Variants in PCNX1 observed in about 807,000 individuals in gnomAD.
The protein encoded by PCNX1 is pecanex 1.
Under a neutral mutation model 242.2 loss-of-function variants are expected in PCNX1, and 78 were observed. That is an observed-to-expected ratio of 0.32 (90% CI 0.27 to 0.39). The LOEUF (loss-of-function observed/expected upper bound fraction) is 0.39. Among genes scored for constraint, PCNX1 ranks in the 10% least tolerant of loss-of-function variants. The pLI, the probability that PCNX1 is intolerant of heterozygous loss-of-function variation, is 1.00. For missense variants in PCNX1, 2,581 were observed against 2,856.5 expected, an observed-to-expected ratio of 0.90 and a Z score of 2.20; for synonymous variants, 1,024 against 1,032.9, an observed-to-expected ratio of 0.99 and a Z score of 0.17.
chr14:70,980,265 G>T (rs1248543495), intron 6 of PCNX1, among the ~76,000 whole-genome samples: 1 of 151,748 alleles, frequency 6.6e-6, no homozygotes, highest in African/African-American at 2.4e-5. Flanking sequence ...TTTAGGAAAA[G>T]TTACCTGAAA....
chr14:70,949,372 CACAT>C (rs1439239148), intron 2 of PCNX1, among the ~76,000 whole-genome samples: 43 of 134,810 alleles, frequency 3.2e-4, no homozygotes, highest in Admixed American at 1.1e-3. Context: ...CATATATAGA[CACAT>C]ACGTGTATAT....
intron 27 of PCNX1, among the ~76,000 whole-genome samples, chr14:71,074,013 TTAATAA>T (rs973124234): frequency 6.6e-6 from 1 of 152,236 alleles, no homozygotes; most frequent in Non-Finnish European, 1.5e-5. Flanking sequence ...TATTCATTCA[TTAATAA>T]TAATAGCTAG....
At position 71,031,828 on chromosome 14, in the gene PCNX1, G is replaced by A; in HGVS notation, c.3559-1601G>A. Reference sequence around the variant, plus strand: ...TAGCTTGGCAGCGAGGAGAGGGATGGTGGCATCGTCTGGCTTCAGGTAGAC... The same window carrying A: ...TAGCTTGGCAGCGAGGAGAGGGATGATGGCATCGTCTGGCTTCAGGTAGAC... On this transcript the variant is annotated intron_variant, in intron 16 of 35. Coordinates refer to ENST00000304743, the MANE Select transcript of PCNX1 (RefSeq NM_014982.3). 5 of 1,490,120 alleles carry A rather than the reference G, an allele frequency of 3.4e-6. No individual in the cohort carries two copies. In the South Asian group the frequency reaches 4.5e-5, roughly 13 times the overall value. 92.3% of individuals were successfully genotyped at this position (1,490,120 alleles called of 1,614,324 possible).
intron 12 of PCNX1, among the ~76,000 whole-genome samples, chr14:71,020,210 C>T (rs1420541261): frequency 6.6e-6 from 1 of 152,180 alleles, no homozygotes; most frequent in East Asian, 1.9e-4. Flanking sequence ...GGTTCCAAGT[C>T]TTTGCTATTG....
chr14:71,093,061 G>A (rs897235085), intron 30 of PCNX1: 2 of 152,138 alleles, frequency 1.3e-5, no homozygotes, highest in Non-Finnish European at 2.9e-5. Context: ...ATCAGGGTAC[G>A]ATAAAGACCT....
At chr14:71,087,385 C>T (rs2062020668) in intron 28 of PCNX1, among the ~76,000 whole-genome samples, 1 of 152,136 alleles carries the variant, frequency 6.6e-6, no homozygotes, top group Admixed American at 6.6e-5. Flanking sequence ...GATAATTAAC[C>T]TATCAATAGT....
intron 16 of PCNX1, 71 bp from the exon 17 acceptor site, chr14:71,033,358 G>A (rs527706260): frequency 8.8e-5 from 64 of 728,010 alleles, no homozygotes; most frequent in East Asian, 6.8e-4. Context: ...TCCAAAATAC[G>A]TACATAAAAG....
Position 71,047,583 on chromosome 14 carries a change from T to C in PCNX1, c.4161-224T>C, listed in dbSNP as rs1363431294. On this transcript the variant is annotated intron_variant, in intron 21 of 35. Transcript: ENST00000304743. ...TTACAATACTATTATTTTTAAAACA[T>C]AGTCCTTCATATAAAGGATAAGAAT... is the stretch of plus-strand genomic sequence containing the variant. 3.9e-5 allele frequency among the ~76,000 whole-genome samples: 6 copies of C among 152,170 alleles called. No individual in the cohort carries two copies. In the East Asian group the frequency reaches 5.8e-4, roughly 15 times the overall value.
intron 28 of PCNX1, among the ~76,000 whole-genome samples, chr14:71,082,453 G>T (rs2061878633): frequency 6.6e-6 from 1 of 152,092 alleles, no homozygotes; most frequent in Non-Finnish European, 1.5e-5. Context: ...TGACAGTGGG[G>T]TGTTAAAATC....
At chr14:70,990,540 AG>A (rs1271682951) in intron 7 of PCNX1, among the ~76,000 whole-genome samples, 1 of 150,044 alleles carries the variant, frequency 6.7e-6, no homozygotes, top group Non-Finnish European at 1.5e-5. Flanking sequence ...ACTCCAGCCT[AG>A]GTGACAGAGG....
chr14:71,033,711 A>G (rs17108930), intron 17 of PCNX1, among the ~76,000 whole-genome samples, 173 bp downstream of exon 17: 10,650 of 152,250 alleles, frequency 0.07, 490 homozygotes, highest in East Asian at 0.27. Context: ...TTGGCTGAGA[A>G]TATTAGTGTT....
intron 1 of PCNX1, among the ~76,000 whole-genome samples, chr14:70,938,609 G>C (rs1054402100): frequency 6.6e-6 from 1 of 152,188 alleles, no homozygotes; most frequent in Non-Finnish European, 1.5e-5. Flanking sequence ...TTGTGTCTCT[G>C]TCCGACTTTG....
At chr14:70,915,871 T>C (rs984288913) in intron 1 of PCNX1, among the ~76,000 whole-genome samples, 3 of 152,002 alleles carry the variant, frequency 2.0e-5, no homozygotes, top group African/African-American at 7.3e-5. Flanking sequence ...CAAAATAGGA[T>C]TGTGGTCCAG....
chr14:71,058,749 A>T (rs2061247855), intron 26 of PCNX1, among the ~76,000 whole-genome samples: 2 of 152,236 alleles, frequency 1.3e-5, no homozygotes, highest in South Asian at 4.1e-4. Flanking sequence ...ATAAATCTTT[A>T]GCTATGCAGC....
At chr14:70,938,235 T>C (rs1440244438) in intron 1 of PCNX1, among the ~76,000 whole-genome samples, 1 of 152,158 alleles carries the variant, frequency 6.6e-6, no homozygotes, top group Admixed American at 6.6e-5. Context: ...GCTTCCAGTT[T>C]TTGCCCATTC....
chr14:71,034,222 C>T (rs1230729436), intron 18 of PCNX1, among the ~76,000 whole-genome samples, 186 bp downstream of exon 18: 1 of 151,936 alleles, frequency 6.6e-6, no homozygotes, highest in Non-Finnish European at 1.5e-5. Context: ...ATGCTCATTC[C>T]TCAGACTTGG....
chr14:70,924,982 GTT>G (rs34543671), intron 1 of PCNX1, among the ~76,000 whole-genome samples: 1 of 144,236 alleles, frequency 6.9e-6, no homozygotes, highest in African/African-American at 2.5e-5. Context: ...TTCACATCTG[GTT>G]TTTTTTTTTT....
chr14:70,917,415 G>A (rs1234519346), intron 1 of PCNX1, among the ~76,000 whole-genome samples: 1 of 152,084 alleles, frequency 6.6e-6, no homozygotes, highest in East Asian at 1.9e-4. Flanking sequence ...CTTGATCCAT[G>A]GGGCTGGAGA....
At chr14:70,998,131 A>C (rs1255531616) in intron 8 of PCNX1, among the ~76,000 whole-genome samples, 1 of 152,230 alleles carries the variant, frequency 6.6e-6, no homozygotes, top group Non-Finnish European at 1.5e-5. Context: ...TTGCATTAAA[A>C]AAAAACTCTG....
Sources: gnomAD v4.1 joint callset for allele counts (sites outside exome capture counted in the v4.1 genomes callset) on GRCh38, gnomAD v4.1.1 for gene constraint, MANE v1.5 for transcripts, NCBI Gene and HGNC (gene_info 2026-07-23, HGNC 2026-07-21) for gene names.